Variants in ITPKB observed in about 807,000 individuals in gnomAD.
ITPKB encodes inositol-trisphosphate 3-kinase B.
A neutral mutation model predicts 69.4 loss-of-function variants in ITPKB; 13 were observed. The ratio of observed to expected loss-of-function variants is 0.19; its 90% CI spans 0.12 to 0.30. The LOEUF (loss-of-function observed/expected upper bound fraction) is 0.30. Among genes scored for constraint, ITPKB ranks in the 10% least tolerant of loss-of-function variants. ITPKB has a pLI of 1.00. For missense variants in ITPKB, 1,240 were observed against 1,250.5 expected (o/e 0.99, Z 0.13); for synonymous variants, 584 against 513.7 (o/e 1.14, Z -1.85).
chr1:226,647,426 C>A, intron 3 of ITPKB, 46 bp from the exon 4 acceptor site: 1 of 1,433,166 alleles, frequency 7.0e-7, no homozygotes, highest in Non-Finnish European at 9.7e-7. Context: ...CTGCAGGTAG[C>A]TGGCAGAGGC....
rs567193041 is a variant in ITPKB at position 226,695,934 on chromosome 1, G to A, written c.1932+39593C>T. ...GGGGGAGGAAACGGATGCAAGGCCAGCAAAGGGAAGAGGATAAGAAAAAGG... is the reference window on the plus strand; with the variant it reads ...GGGGGAGGAAACGGATGCAAGGCCAACAAAGGGAAGAGGATAAGAAAAAGG... On this transcript the variant is annotated intron_variant, in intron 2 of 7. Coordinates refer to ENST00000429204, the MANE Select transcript of ITPKB (RefSeq NM_002221.4). 5.9e-5 allele frequency among the ~76,000 whole-genome samples: 9 copies of A among 152,294 alleles called. No individual in the cohort carries two copies. The East Asian group carries it at 1.7e-3, about 29-fold the overall frequency.
At chr1:226,646,860 G>A (rs1669073213) in intron 4 of ITPKB, among the ~76,000 whole-genome samples, 1 of 152,162 alleles carries the variant, frequency 6.6e-6, no homozygotes, top group Non-Finnish European at 1.5e-5. Context: ...TGAACCAAGG[G>A]CAGCTCTCTC....
At chr1:226,703,473 C>T (rs1656718325) in intron 2 of ITPKB, among the ~76,000 whole-genome samples, 1 of 152,224 alleles carries the variant, frequency 6.6e-6, no homozygotes, top group Non-Finnish European at 1.5e-5. Context: ...TTTTCTTCGC[C>T]GCGGTTTCTT....
intron 2 of ITPKB, among the ~76,000 whole-genome samples, chr1:226,655,384 C>G (rs1030441867): frequency 1.1e-4 from 16 of 152,198 alleles, no homozygotes; most frequent in Non-Finnish European, 1.8e-4. Flanking sequence ...AAATGGCCCC[C>G]GTTAGGAGAC....
chr1:226,662,202 C>T (rs1669415690), intron 2 of ITPKB, among the ~76,000 whole-genome samples: 2 of 152,204 alleles, frequency 1.3e-5, no homozygotes, highest in Non-Finnish European at 2.9e-5. Flanking sequence ...AACAGGGACA[C>T]AGGCAGCTCT....
At chr1:226,657,738 A>G (rs568422978) in intron 2 of ITPKB, among the ~76,000 whole-genome samples, 57 of 152,358 alleles carry the variant, frequency 3.7e-4, no homozygotes, top group Non-Finnish European at 5.6e-4. Flanking sequence ...GGGTTTAGTA[A>G]CTTGCAAAAG....
At chr1:226,703,586 G>T (rs1166692147) in intron 2 of ITPKB, among the ~76,000 whole-genome samples, 1 of 152,188 alleles carries the variant, frequency 6.6e-6, no homozygotes. Flanking sequence ...GCCGTCTCCC[G>T]GCATGCTCGG....
At chr1:226,682,870 A>C (rs1656120856) in intron 2 of ITPKB, among the ~76,000 whole-genome samples, 1 of 152,128 alleles carries the variant, frequency 6.6e-6, no homozygotes, top group South Asian at 2.1e-4. Flanking sequence ...CTGCAAGTTG[A>C]GCCTCAGGAG....
chr1:226,713,965 A>C (rs4653464), intron 2 of ITPKB, among the ~76,000 whole-genome samples: 3 of 152,130 alleles, frequency 2.0e-5, no homozygotes, highest in Admixed American at 2.0e-4. Flanking sequence ...CAGATAATTG[A>C]TATTTTTTAA....
At position 226,637,284 on chromosome 1, in the gene ITPKB, C is replaced by T. The variant is rs775591903; in HGVS notation, c.2625+395G>A. Among the ~76,000 whole-genome samples, 3 of 152,232 alleles carry T rather than the reference C, an allele frequency of 2.0e-5. No homozygotes were observed. The highest frequency in any genetic ancestry group is 4.4e-5 in the Non-Finnish European group (3 of 68,048). On this transcript the variant is annotated intron_variant, in intron 7 of 7. Coordinates refer to ENST00000429204, the MANE Select transcript of ITPKB (RefSeq NM_002221.4). This position sits in a 1 kb window ranked among gnomAD's most constrained non-coding sequence, Gnocchi z 4.3. ...CCCGAGAGTGGCACCTGAAGACCTG[C>T]CTGCCCTCCTCAGGGTCTCATCTGA...
At chr1:226,688,564 C>A (rs182174087) in intron 2 of ITPKB, among the ~76,000 whole-genome samples, 86 of 152,358 alleles carry the variant, frequency 5.6e-4, no homozygotes, top group African/African-American at 1.9e-3. Context: ...GGGCCACTGC[C>A]CAAAATGCTA....
chr1:226,716,731 A>G (rs1447570802), intron 2 of ITPKB, among the ~76,000 whole-genome samples: 1 of 152,220 alleles, frequency 6.6e-6, no homozygotes, highest in Non-Finnish European at 1.5e-5. Context: ...TTTGGTCTTG[A>G]GCCCAATCAA....
intron 2 of ITPKB, among the ~76,000 whole-genome samples, chr1:226,659,966 C>T (rs1201000939): frequency 1.3e-5 from 2 of 152,324 alleles, no homozygotes; most frequent in African/African-American, 2.4e-5. Context: ...CACACCTACA[C>T]CAAGGCTCAC....
chr1:226,728,806 T>C lies in ITPKB; in HGVS notation c.1932+6721A>G, dbSNP rs114394399. Among the ~76,000 whole-genome samples, 493 of 152,310 alleles carry C rather than the reference T, an allele frequency of 3.2e-3. 1 individual carries two copies. The highest frequency in any genetic ancestry group is 0.01 in the African/African-American group (426 of 41,574). On this transcript the variant is annotated intron_variant, in intron 2 of 7. Coordinates refer to ENST00000429204, the MANE Select transcript of ITPKB (RefSeq NM_002221.4). ...CATTTTTCAGAGAGCTTGCTAGCCATGTGTAGACTGGAATTTCACCCAAGT... is the reference window on the plus strand; with the variant it reads ...CATTTTTCAGAGAGCTTGCTAGCCACGTGTAGACTGGAATTTCACCCAAGT...
In ITPKB at chr1:226,709,950, C is replaced by A. The variant is rs536139772; in HGVS notation, c.1932+25577G>T. Among the ~76,000 whole-genome samples the A allele has an allele frequency of 2.0e-5, 3 of 152,320 alleles. No homozygotes were observed. In the East Asian group the frequency reaches 5.8e-4, roughly 29 times the overall value. ...TATGGTTCCCTGTCTAGTATCCTGA[C>A]AGCATCCTGCCTGGGGCCAGCACTA... is the stretch of plus-strand genomic sequence containing the variant. On this transcript the variant is annotated intron_variant, in intron 2 of 7. Transcript: ENST00000429204.
At position 226,736,097 on chromosome 1, in the gene ITPKB, C is replaced by A; in HGVS notation, c.1362G>T (p.Gly454=). 1 of 1,606,954 alleles carries A rather than the reference C, an allele frequency of 6.2e-7. No individual in the cohort carries two copies. Among genetic ancestry groups the A allele is most frequent in the Non-Finnish European group, 8.5e-7 (1 of 1,176,048 alleles). Residue 454 remains glycine (G), a synonymous_variant, in exon 2 of 8, where the codon GGG becomes GGT. Coordinates refer to ENST00000429204, the MANE Select transcript of ITPKB (RefSeq NM_002221.4). Reference sequence around the variant, plus strand: ...TCCCCGGCTGTGCTGAGGGGCTGCCCCCAAGCAAGCCCAGCGTTGGGGACC... The same window carrying A: ...TCCCCGGCTGTGCTGAGGGGCTGCCACCAAGCAAGCCCAGCGTTGGGGACC... ...EGGSPTLGLL[G]GSPSAQPGTG...
In ITPKB at chr1:226,637,441, G is replaced by A. The variant is rs73100919; in HGVS notation, c.2625+238C>T. 4.6e-5 allele frequency among the ~76,000 whole-genome samples: 7 copies of A among 152,358 alleles called. No individual in the cohort carries two copies. The highest frequency in any genetic ancestry group is 1.7e-4 in the African/African-American group (7 of 41,586). The stretch of plus-strand genomic sequence containing the variant: ...AATGGACAAGACTCTGGAGCTGGAA[G>A]GACAAGGGAGGAGAAAGGGGGCAAT... On this transcript the variant is annotated intron_variant, in intron 7 of 7. Transcript: ENST00000429204. The surrounding 1 kb of genome is among the most constrained non-coding windows in gnomAD (Gnocchi z 4.3).
chr1:226,651,116 T>C (rs1669183380), intron 2 of ITPKB, among the ~76,000 whole-genome samples: 1 of 151,774 alleles, frequency 6.6e-6, no homozygotes, highest in African/African-American at 2.4e-5. Flanking sequence ...CAGAGACAGC[T>C]GGGGGCCAGA....
At position 226,738,739 on chromosome 1, in the gene ITPKB, C is replaced by T. The variant is rs1431733304; in HGVS notation, c.-206+302G>A. The stretch of plus-strand genomic sequence containing the variant: ...TCTCCGCATCCCGGGCAGCCTCGCC[C>T]GGCGCCAGCAGAGCCGCCCCGAGAC... On this transcript the variant is annotated intron_variant, in intron 1 of 7. Transcript: ENST00000429204. This position sits in a 1 kb window ranked among gnomAD's most constrained non-coding sequence, Gnocchi z 4.2. Among the ~76,000 whole-genome samples the T allele has an allele frequency of 6.6e-6, 1 of 152,180 alleles. No homozygotes were observed. The highest frequency in any genetic ancestry group is 2.1e-4 in the South Asian group (1 of 4,836).
Sources: gnomAD v4.1 joint callset for allele counts (sites outside exome capture counted in the v4.1 genomes callset) on GRCh38, gnomAD v4.1.1 for gene constraint, Gnocchi (gnomAD v3.1) non-coding constraint, MANE v1.5 for transcripts, NCBI Gene and HGNC (gene_info 2026-07-23, HGNC 2026-07-21) for gene names.